Variants in TMEM229B observed in about 807,000 individuals in gnomAD.
TMEM229B encodes transmembrane protein 229B.
A neutral mutation model predicts 13.7 loss-of-function variants in TMEM229B; 6 were observed. The ratio of observed to expected loss-of-function variants is 0.44; its 90% CI spans 0.24 to 0.86. The LOEUF (loss-of-function observed/expected upper bound fraction) is 0.86, where lower values mean the gene tolerates loss of function less well. Among genes scored for constraint, TMEM229B ranks in the 40% least tolerant of loss-of-function variants. TMEM229B has a pLI of 0.23. For synonymous variants in TMEM229B, 107 were observed against 102.1 expected, an observed-to-expected ratio of 1.05 and a Z score of -0.29; for missense variants, 170 against 236.0, an observed-to-expected ratio of 0.72 and a Z score of 1.83.
intron 2 of TMEM229B, among the ~76,000 whole-genome samples, chr14:67,476,179 C>T (rs762083063): frequency 5.9e-5 from 9 of 152,230 alleles, no homozygotes; most frequent in Non-Finnish European, 1.2e-4. Flanking sequence ...TCTGGGAATT[C>T]CAGCCTCACA....
chr14:67,507,969 T>C (rs1229548821), intron 1 of TMEM229B, among the ~76,000 whole-genome samples: 1 of 151,962 alleles, frequency 6.6e-6, no homozygotes, highest in African/African-American at 2.4e-5. Flanking sequence ...AGAAACCCTG[T>C]CTCTACTAAA....
intron 1 of TMEM229B, among the ~76,000 whole-genome samples, chr14:67,497,035 G>A (rs934219830): frequency 1.3e-5 from 2 of 151,766 alleles, no homozygotes; most frequent in African/African-American, 2.4e-5. Flanking sequence ...CAGGTGATCG[G>A]CCCGCCTCAG....
chr14:67,490,040 T>C (rs2032102669), upstream of TMEM229B, among the ~76,000 whole-genome samples: 4 of 152,114 alleles, frequency 2.6e-5, no homozygotes, highest in South Asian at 6.2e-4. Flanking sequence ...CACCACGCTA[T>C]GAATTTCTTG....
intron 2 of TMEM229B, among the ~76,000 whole-genome samples, chr14:67,485,803 AC>A (rs2031839534): frequency 6.6e-6 from 1 of 152,174 alleles, no homozygotes; most frequent in African/African-American, 2.4e-5. Flanking sequence ...GGAGCCTCTC[AC>A]CCTACCTCGA....
chr14:67,484,935 C>T (rs2031788349), intron 2 of TMEM229B, among the ~76,000 whole-genome samples: 1 of 152,148 alleles, frequency 6.6e-6, no homozygotes, highest in African/African-American at 2.4e-5. Flanking sequence ...AGCCTCTGTG[C>T]TCATTATTAT....
At chr14:67,496,777 C>T (rs1417896205) in intron 1 of TMEM229B, among the ~76,000 whole-genome samples, 3 of 101,008 alleles carry the variant, frequency 3.0e-5, no homozygotes, top group East Asian at 5.6e-4. Flanking sequence ...CTTCCTCCCT[C>T]CCTCATTTCT....
chr14:67,503,258 C>T (rs1216774074), intron 1 of TMEM229B, among the ~76,000 whole-genome samples: 1 of 152,184 alleles, frequency 6.6e-6, no homozygotes, highest in East Asian at 1.9e-4. Context: ...TGGTCTCTGG[C>T]TTCTAAAAGG....
At chr14:67,504,700 C>T (rs1215935165) in intron 1 of TMEM229B, among the ~76,000 whole-genome samples, 1 of 152,194 alleles carries the variant, frequency 6.6e-6, no homozygotes, top group African/African-American at 2.4e-5. Context: ...GCCTGGCCAA[C>T]TTGGTGAAAC....
intron 2 of TMEM229B, among the ~76,000 whole-genome samples, chr14:67,481,322 G>A (rs1377534078): frequency 6.6e-6 from 1 of 152,120 alleles, no homozygotes; most frequent in Non-Finnish European, 1.5e-5. Flanking sequence ...AAAGCGAGAT[G>A]GGGGAGAGAG....
upstream of TMEM229B, among the ~76,000 whole-genome samples, chr14:67,519,431 C>T (rs17184762): frequency 0.041 from 6,215 of 152,278 alleles, 165 homozygotes; most frequent in Non-Finnish European, 0.062. Context: ...AGCAACTAGA[C>T]GCCAATCTTT....
chr14:67,519,118 G>T (rs891208136), upstream of TMEM229B, among the ~76,000 whole-genome samples: 3 of 152,202 alleles, frequency 2.0e-5, no homozygotes, highest in Non-Finnish European at 2.9e-5. Flanking sequence ...GCCAGCATTT[G>T]AAAATGGGGG....
At position 67,488,677 on chromosome 14, in the gene TMEM229B, C is replaced by T. The variant is rs1024532666; in HGVS notation, c.-361G>A. ...TTCAATCCCACCTGTGGAGACTTCTCCCCACCCTAGGCCCTCAGCCACATC... is the reference window on the plus strand; with the variant it reads ...TTCAATCCCACCTGTGGAGACTTCTTCCCACCCTAGGCCCTCAGCCACATC... On this transcript the variant is annotated 5_prime_UTR_variant, in exon 1 of 3. Coordinates refer to ENST00000554480, the MANE Select transcript of TMEM229B (RefSeq NM_001348543.2). 2.6e-5 allele frequency: 4 copies of T among 152,464 alleles called. No individual in the cohort carries two copies. The highest frequency in any genetic ancestry group is 9.6e-5 in the African/African-American group (4 of 41,470). The allele number at this position is 152,464 out of a possible 1,614,324, so 9.4% of individuals were successfully genotyped here.
Position 67,486,156 on chromosome 14 carries a change from C to T in TMEM229B, c.-19+844G>A, listed in dbSNP as rs117605821. 2.8e-3 allele frequency among the ~76,000 whole-genome samples: 422 copies of T among 152,368 alleles called. 2 individuals are homozygous for T. The highest frequency in any genetic ancestry group is 4.2e-3 in the Admixed American group (65 of 15,308). ...TTTGGCTGTGTCCTCACCCAAATCT[C>T]ATCTTGAATTTCCACCATGTTGTGG... On this transcript the variant is annotated intron_variant, in intron 2 of 2. Coordinates refer to ENST00000554480, the MANE Select transcript of TMEM229B (RefSeq NM_001348543.2).
Position 67,496,409 on chromosome 14 carries a change from T to TTTTTG in TMEM229B, c.-191-9238_-191-9237insCAAAA, listed in dbSNP as rs1317009572. On this transcript the variant is annotated intron_variant, in intron 1 of 2. Coordinates refer to the TMEM229B transcript ENST00000357461. ...CTCCGGCGTTTTTTTTTTTTTTTTT[T>TTTTTG]TTTTTTTTTTTTGAGACAGGGTCTG... Among the ~76,000 whole-genome samples the TTTTTG allele has an allele frequency of 1.7e-4, 23 of 133,140 alleles. 1 individual carries two copies. Among genetic ancestry groups the TTTTTG allele is most frequent in the Non-Finnish European group, 3.2e-4 (20 of 62,208 alleles). 87.3% of individuals were successfully genotyped at this position (133,140 alleles called of 152,430 possible). A position where few individuals can be genotyped will look rare whatever the true frequency, so the allele number is the denominator to read the frequency against.
At chr14:67,526,235 G>A (rs1040005509) in intron 1 of TMEM229B, among the ~76,000 whole-genome samples, 1 of 152,222 alleles carries the variant, frequency 6.6e-6, no homozygotes, top group Non-Finnish European at 1.5e-5. Context: ...AATACAATTG[G>A]GAGTCGGTCT....
intron 1 of TMEM229B, among the ~76,000 whole-genome samples, chr14:67,499,047 G>A (rs2032504834): frequency 6.6e-6 from 1 of 151,774 alleles, no homozygotes; most frequent in Admixed American, 6.6e-5. Flanking sequence ...CTGTTGCCCA[G>A]GCTGGAGTTC....
upstream of TMEM229B, among the ~76,000 whole-genome samples, chr14:67,519,404 C>T (rs963333276): frequency 2.0e-5 from 3 of 152,180 alleles, no homozygotes; most frequent in Non-Finnish European, 2.9e-5. Context: ...AGGGTCTCCT[C>T]GGGGCTGTCC....
At chr14:67,497,364 T>C (rs1037510482) in intron 1 of TMEM229B, among the ~76,000 whole-genome samples, 1 of 152,000 alleles carries the variant, frequency 6.6e-6, no homozygotes, top group Admixed American at 6.6e-5. Flanking sequence ...CGAGACACTG[T>C]AGCGCAGGCC....
upstream of TMEM229B, among the ~76,000 whole-genome samples, chr14:67,516,559 C>G (rs755083502): frequency 1.4e-4 from 22 of 152,196 alleles, no homozygotes; most frequent in Non-Finnish European, 3.1e-4. Context: ...CCATTCTGGG[C>G]AAGAAGCTGA....
Sources: allele counts gnomAD v4.1 joint callset (sites outside exome capture counted in the v4.1 genomes callset), GRCh38; gene constraint gnomAD v4.1.1; transcripts MANE v1.5; gene names NCBI Gene and HGNC (gene_info 2026-07-23, HGNC 2026-07-21).